The following ZNF839 variants were observed in gnomAD, a reference collection of about 807,000 sequenced individuals.
The protein encoded by ZNF839 is zinc finger protein 839.
ZNF839 carries 38 observed loss-of-function variants against 56.4 expected under a neutral mutation model. The observed-to-expected ratio is 0.67, with a 90% confidence interval of 0.52 to 0.88. The LOEUF is 0.88. Among genes scored for constraint, ZNF839 ranks in the 40% least tolerant of loss-of-function variants. ZNF839 has a pLI of 0.00. For synonymous variants in ZNF839, 486 were observed against 493.5 expected (o/e 0.98, Z 0.20); for missense variants, 1,091 against 1,177.6 (o/e 0.93, Z 1.08).
chr14:102,323,496 G>A (rs187870736), intron 1 of ZNF839, among the ~76,000 whole-genome samples: 56 of 152,264 alleles, frequency 3.7e-4, no homozygotes, highest in Admixed American at 8.5e-4. Context: ...TTTCTGGCAC[G>A]CGGTCAGTGC....
At chr14:102,327,663 T>G (rs2073491135) in intron 2 of ZNF839, among the ~76,000 whole-genome samples, 2 of 152,116 alleles carry the variant, frequency 1.3e-5, no homozygotes, top group African/African-American at 4.8e-5. Flanking sequence ...CATTGACCCT[T>G]ATGGTGTCTG....
At chr14:102,329,514 C>T (rs969554715) in intron 2 of ZNF839, among the ~76,000 whole-genome samples, 8 of 151,144 alleles carry the variant, frequency 5.3e-5, no homozygotes, top group African/African-American at 9.7e-5. Context: ...CCTTTTTAGT[C>T]GCTGGAATTA....
chr14:102,326,065 C>T lies in ZNF839; in HGVS notation c.369C>T (p.Ile123=). Residue 123 remains isoleucine (I), a synonymous_variant, in exon 2 of 8, where the codon ATC becomes ATT. Coordinates refer to ENST00000442396, the MANE Select transcript of ZNF839 (RefSeq NM_018335.6). The surrounding 1 kb of genome is among the most constrained non-coding windows in gnomAD (Gnocchi z 4.3). ...QERPMLLPTT[I]QPQTARKSQL... Reference sequence around the variant, plus strand: ...GGCCAATGCTCCTACCGACCACAATCCAGCCCCAAACTGCAAGAAAGAGCC... The same window carrying T: ...GGCCAATGCTCCTACCGACCACAATTCAGCCCCAAACTGCAAGAAAGAGCC... 6.2e-7 allele frequency: 1 copy of T among 1,613,804 alleles called. No individual in the cohort carries two copies. The highest frequency in any genetic ancestry group is 1.7e-5 in the Admixed American group (1 of 59,986).
intron 1 of ZNF839, among the ~76,000 whole-genome samples, chr14:102,321,128 ACTAT>A (rs1406783797): frequency 6.6e-6 from 1 of 152,190 alleles, no homozygotes; most frequent in Admixed American, 6.5e-5. Flanking sequence ...CCACACTATC[ACTAT>A]CTAGAGGTGT....
intron 2 of ZNF839, 32 bp from the exon 3 acceptor site, chr14:102,331,590 T>C: frequency 6.4e-7 from 1 of 1,566,708 alleles, no homozygotes; most frequent in South Asian, 1.2e-5. Context: ...ATGATTGTTT[T>C]ATTTTACTTT....
Position 102,341,493 on chromosome 14 carries a change from G to A in ZNF839, c.2098G>A (p.Val700Ile), listed in dbSNP as rs1408662779. Residue 700 changes from valine (V) to isoleucine (I), a missense_variant, in exon 8 of 8, where the codon GTC (valine) becomes ATC (isoleucine). Transcript: ENST00000442396. ...SIGAALSSRD[V>I]SGLPVYAQSG... ...AGGTGCTGCTCTCTCATCCCGGGAT[G>A]TCAGTGGGCTGCCTGTTTATGCTCA... The A allele has an allele frequency of 1.3e-6, 2 of 1,598,456 alleles. No homozygotes were observed. Among genetic ancestry groups the A allele is most frequent in the East Asian group, 2.2e-5 (1 of 44,632 alleles).
chr14:102,319,685 T>C, upstream of ZNF839: 1 of 1,212,656 alleles, frequency 8.2e-7, no homozygotes, highest in Non-Finnish European at 1.0e-6. The surrounding 1 kb of genome is among the most constrained non-coding windows in gnomAD (Gnocchi z 4.5). Flanking sequence ...GAGGCACTCG[T>C]AGCCCGCCCC....
In ZNF839 at chr14:102,326,993, C is replaced by T. The variant is rs761165771; in HGVS notation, c.1191+106C>T. On this transcript the variant is annotated intron_variant, in intron 2 of 7. Transcript: ENST00000442396. The surrounding 1 kb of genome is among the most constrained non-coding windows in gnomAD (Gnocchi z 4.3). ...TTATAAAGAAAAGAGGGTTGGCTCA[C>T]GGTTCCATAGACTGTACAGGAAGCA... 1.6e-5 allele frequency: 20 copies of T among 1,266,016 alleles called. No individual in the cohort carries two copies. Among genetic ancestry groups the T allele is most frequent in the African/African-American group, 4.5e-5 (3 of 66,404 alleles). The allele number at this position is 1,266,016 out of a possible 1,614,324, so 78.4% of individuals were successfully genotyped here.
At chr14:102,335,560 G>T (rs1450611800) in intron 4 of ZNF839, 129 bp from the exon 5 acceptor site, 3 of 920,426 alleles carry the variant, frequency 3.3e-6, no homozygotes, top group Non-Finnish European at 4.8e-6. Context: ...ACTGGGGACT[G>T]AAGGAAACGC....
rs182335704 is a variant in ZNF839, at chr14:102,336,082, G to A, written c.1659+244G>A. Reference sequence around the variant, plus strand: ...TAATTCCAGTTATTCAGGAAGCTGAGGCACAAGAATCATTTGAACCTAGGA... The same window carrying A: ...TAATTCCAGTTATTCAGGAAGCTGAAGCACAAGAATCATTTGAACCTAGGA... On this transcript the variant is annotated intron_variant, in intron 5 of 7. Transcript: ENST00000442396. Among the ~76,000 whole-genome samples the A allele has an allele frequency of 1.3e-3, 192 of 152,096 alleles. 1 individual carries two copies. Among genetic ancestry groups the A allele is most frequent in the Admixed American group, 0.01 (159 of 15,280 alleles).
chr14:102,320,569 C>T (rs1266136939), intron 1 of ZNF839, among the ~76,000 whole-genome samples: 2 of 152,204 alleles, frequency 1.3e-5, no homozygotes, highest in Non-Finnish European at 2.9e-5. Flanking sequence ...ACCAACTTAG[C>T]TTTTCAGTTG....
Position 102,331,794 on chromosome 14 carries a change from C to T in ZNF839, c.1364C>T (p.Pro455Leu). The T allele has an allele frequency of 6.3e-7, 1 of 1,594,622 alleles. No individual in the cohort carries two copies. The highest frequency in any genetic ancestry group is 1.1e-5 in the South Asian group (1 of 88,366). The change falls in exon 3 of 8, where the codon CCT (proline) becomes CTT (leucine). Residue 455 changes from proline to leucine, a missense_variant. Around this residue, in one of 3 missense-constraint regions of ZNF839, gnomAD observed 614 missense variants for 629.2 expected, o/e 0.98. Transcript: ENST00000442396. ...QRRAAQLPGG[P>L]AAAGEQRASP... ...AGAGCTGCTCAGCTACCTGGTGGCC[C>T]TGCTGCGGCAGGGGAGCAGAGGGCG...
rs34818560 is a variant in ZNF839, at chr14:102,340,274, CTT to C, written c.1928-1035_1928-1034del. 1.8e-3 allele frequency among the ~76,000 whole-genome samples: 236 copies of C among 128,456 alleles called. 1 individual carries two copies. Among genetic ancestry groups the C allele is most frequent in the East Asian group, 0.016 (67 of 4,226 alleles). 84.3% of individuals were successfully genotyped at this position (128,456 alleles called of 152,430 possible). Reference sequence around the variant, plus strand: ...TACAGGCATGAGCCACTACGCCAGCCTTTTTTTTTTTTTTTGAGATGGAGTCT... The same window carrying C: ...TACAGGCATGAGCCACTACGCCAGCCTTTTTTTTTTTTTGAGATGGAGTCT... On this transcript the variant is annotated intron_variant, in intron 7 of 7. Coordinates refer to ENST00000442396, the MANE Select transcript of ZNF839 (RefSeq NM_018335.6).
Position 102,341,644 on chromosome 14 carries a change from T to C in ZNF839, c.2249T>C (p.Leu750Ser), listed in dbSNP as rs770446620. 3 of 1,613,968 alleles carry C rather than the reference T, an allele frequency of 1.9e-6. No homozygotes were observed. In the South Asian group the frequency reaches 3.3e-5, roughly 18 times the overall value. ...AGGAGCCCGGGTTTCTGCAGCCCTT[T>C]GTCATCTGGTGGTGGAGCAGAGTCC... ...SLRSPGFCSPLSSGGGAESLP... is the reference protein window; with the variant it reads ...SLRSPGFCSPSSSGGGAESLP... Residue 750 changes from leucine to serine, a missense_variant, in exon 8 of 8, where the codon TTG becomes TCG. Leu to Ser is a moderately radical substitution (Grantham distance 145). This residue lies in a region of ZNF839 where 431 missense variants were observed against 468.0 expected (regional missense o/e 0.92). Coordinates refer to ENST00000442396, the MANE Select transcript of ZNF839 (RefSeq NM_018335.6).
At chr14:102,320,795 A>AG (rs369657480) in intron 1 of ZNF839, among the ~76,000 whole-genome samples, 7 of 152,240 alleles carry the variant, frequency 4.6e-5, no homozygotes, top group Admixed American at 2.0e-4. Flanking sequence ...TTTGGTTGCT[A>AG]GGGGGGTGAT....
upstream of ZNF839, chr14:102,319,184 T>TG (rs1248927238): frequency 6.6e-6 from 1 of 152,270 alleles, no homozygotes; most frequent in African/African-American, 2.4e-5. The surrounding 1 kb of genome is among the most constrained non-coding windows in gnomAD (Gnocchi z 4.5). Context: ...CGTTGTGTTC[T>TG]GGGCAGGGCC....
chr14:102,327,621 C>T, intron 2 of ZNF839, among the ~76,000 whole-genome samples: 1 of 152,180 alleles, frequency 6.6e-6, no homozygotes, highest in East Asian at 1.9e-4. Context: ...AAATCAGTCC[C>T]AGTTCCTGCC....
At chr14:102,333,369 C>T (rs2073876367) in intron 3 of ZNF839, among the ~76,000 whole-genome samples, 1 of 128,780 alleles carries the variant, frequency 7.8e-6, no homozygotes, top group Non-Finnish European at 1.5e-5. Flanking sequence ...ATTGATCTTC[C>T]TGCATCAGCC....
At chr14:102,333,447 G>T (rs1442147774) in intron 3 of ZNF839, among the ~76,000 whole-genome samples, 2 of 151,716 alleles carry the variant, frequency 1.3e-5, no homozygotes, top group Non-Finnish European at 2.9e-5. Context: ...ATTTTTTTTA[G>T]AGACAGGGTC....
Sources: gnomAD v4.1 joint callset for allele counts (sites outside exome capture counted in the v4.1 genomes callset) on GRCh38, gnomAD v4.1.1 for gene constraint, gnomAD v4.1.1 regional missense constraint, Gnocchi (gnomAD v3.1) non-coding constraint, MANE v1.5 for transcripts, NCBI Gene and HGNC (gene_info 2026-07-23, HGNC 2026-07-21) for gene names.